Variants in PDE7A observed in about 807,000 individuals in gnomAD.
PDE7A encodes the protein phosphodiesterase 7A, also known as high affinity 3',5'-cyclic-AMP phosphodiesterase 7A.
Under a neutral mutation model 64.3 loss-of-function variants are expected in PDE7A, and 39 were observed. The observed-to-expected ratio is 0.61, with a 90% CI of 0.47 to 0.79. The LOEUF (loss-of-function observed/expected upper bound fraction) is 0.79, where lower values mean the gene tolerates loss of function less well. Among genes scored for constraint, PDE7A ranks in the 30% least tolerant of loss-of-function variants. PDE7A has a pLI of 0.00. For missense variants in PDE7A, 470 were observed against 582.8 expected, an observed-to-expected ratio of 0.81 and a Z score of 1.99; for synonymous variants, 203 against 206.8, an observed-to-expected ratio of 0.98 and a Z score of 0.16.
At chr8:65,790,954 C>T (rs1342660006) in intron 1 of PDE7A, among the ~76,000 whole-genome samples, 1 of 152,166 alleles carries the variant, frequency 6.6e-6, no homozygotes, top group Non-Finnish European at 1.5e-5. Flanking sequence ...CCCCTGGCTT[C>T]GAGGTCATTC....
In PDE7A at chr8:65,724,356, C is replaced by T; in HGVS notation, c.1066-5G>A. On this transcript the variant is annotated splice_polypyrimidine_tract_variant and splice_region_variant and intron_variant, in intron 10 of 12. Coordinates refer to ENST00000401827, the MANE Select transcript of PDE7A (RefSeq NM_001242318.3). ...ATCAGCACATTTCAAAGCCATCTAG[C>T]AAACAAAACATTAATATTGTTTTAA... The T allele has an allele frequency of 1.3e-6, 2 of 1,597,998 alleles. No individual in the cohort carries two copies. The highest frequency in any genetic ancestry group is 1.7e-6 in the Non-Finnish European group (2 of 1,166,164).
intron 1 of PDE7A, among the ~76,000 whole-genome samples, chr8:65,833,085 C>A (rs1225775397): frequency 2.0e-5 from 3 of 152,190 alleles, no homozygotes; most frequent in African/African-American, 7.2e-5. Context: ...CAGCAATCAA[C>A]AACACACAAC....
intron 1 of PDE7A, among the ~76,000 whole-genome samples, chr8:65,826,644 G>GT (rs1439295499): frequency 6.6e-6 from 1 of 152,196 alleles, no homozygotes; most frequent in Admixed American, 6.5e-5. Flanking sequence ...TGGCATGTAA[G>GT]TGCTCAGTAA....
At chr8:65,818,887 C>A (rs1266431503) in intron 1 of PDE7A, among the ~76,000 whole-genome samples, 3 of 152,094 alleles carry the variant, frequency 2.0e-5, no homozygotes, top group African/African-American at 7.2e-5. Flanking sequence ...AGAACTAAGC[C>A]CCCTTCAAAC....
At chr8:65,836,581 T>C (rs1810957517) in intron 1 of PDE7A, among the ~76,000 whole-genome samples, 1 of 152,222 alleles carries the variant, frequency 6.6e-6, no homozygotes, top group Non-Finnish European at 1.5e-5. Context: ...AAGGTATTTA[T>C]TAAATGAAGT....
intron 1 of PDE7A, among the ~76,000 whole-genome samples, chr8:65,820,952 T>C (rs543065742): frequency 1.7e-4 from 26 of 152,272 alleles, no homozygotes; most frequent in South Asian, 1.7e-3. Context: ...AGTTCCAAAA[T>C]AGATTTAAGA....
At chr8:65,743,863 C>T (rs1256720317) in intron 5 of PDE7A, among the ~76,000 whole-genome samples, 1 of 150,716 alleles carries the variant, frequency 6.6e-6, no homozygotes, top group African/African-American at 2.4e-5. Flanking sequence ...GAGACAGTCT[C>T]GCTCTATTGC....
intron 1 of PDE7A, among the ~76,000 whole-genome samples, chr8:65,804,126 A>G (rs1383046137): frequency 6.6e-6 from 1 of 152,218 alleles, no homozygotes; most frequent in African/African-American, 2.4e-5. Flanking sequence ...CAAACTGCAT[A>G]CACCAGCACT....
rs774654530 is a variant in PDE7A at position 65,769,977 on chromosome 8, T to G, written c.283+9743A>C. Among the ~76,000 whole-genome samples, 21 of 152,182 alleles carry G rather than the reference T, an allele frequency of 1.4e-4. 1 individual carries two copies. Among genetic ancestry groups the G allele is most frequent in the Non-Finnish European group, 1.9e-4 (13 of 68,042 alleles). ...CCGTGATTTTTAATTAGGTGAATAA[T>G]TTCATAATACCATACTCTTAAAAAT... On this transcript the variant is annotated intron_variant, in intron 3 of 12. Coordinates refer to ENST00000401827, the MANE Select transcript of PDE7A (RefSeq NM_001242318.3).
chr8:65,818,699 A>T (rs1350576137), intron 1 of PDE7A, among the ~76,000 whole-genome samples: 2 of 152,348 alleles, frequency 1.3e-5, no homozygotes, highest in East Asian at 3.9e-4. Context: ...CTTTGGAACC[A>T]GCCAAAAGTA....
intron 1 of PDE7A, among the ~76,000 whole-genome samples, chr8:65,815,111 GAAT>G (rs1810365692): frequency 6.6e-6 from 1 of 151,668 alleles, no homozygotes; most frequent in Admixed American, 6.6e-5. Flanking sequence ...TTGCCACAAA[GAAT>G]AATACACATT....
intron 3 of PDE7A, among the ~76,000 whole-genome samples, chr8:65,750,999 A>G (rs967014363): frequency 1.3e-5 from 2 of 152,182 alleles, no homozygotes; most frequent in Non-Finnish European, 2.9e-5. Flanking sequence ...TAAGAAATGG[A>G]CCTTCACTTA....
chr8:65,730,047 G>A (rs1443736975), intron 7 of PDE7A, among the ~76,000 whole-genome samples: 1 of 152,022 alleles, frequency 6.6e-6, no homozygotes, highest in African/African-American at 2.4e-5. Flanking sequence ...CAGGTGCACA[G>A]CAGGAGGTGA....
At chr8:65,738,264 T>C (rs921532657) in intron 6 of PDE7A, among the ~76,000 whole-genome samples, 9 of 127,948 alleles carry the variant, frequency 7.0e-5, no homozygotes, top group Admixed American at 5.0e-4. Context: ...TAAGCAAAAT[T>C]GTATATAACC....
chr8:65,806,746 T>C (rs1334902137), intron 1 of PDE7A, among the ~76,000 whole-genome samples: 1 of 152,240 alleles, frequency 6.6e-6, no homozygotes, highest in Non-Finnish European at 1.5e-5. Context: ...CAGAAATGCA[T>C]TCCTTTTCCA....
chr8:65,727,028 T>G, intron 8 of PDE7A, 62 bp from the exon 9 acceptor site: 3 of 1,025,050 alleles, frequency 2.9e-6, no homozygotes, highest in Non-Finnish European at 4.6e-6. Context: ...ATATCATTAC[T>G]AACAATACTG....
At chr8:65,789,558 G>T (rs1809645373) in intron 1 of PDE7A, among the ~76,000 whole-genome samples, 1 of 151,680 alleles carries the variant, frequency 6.6e-6, no homozygotes, top group African/African-American at 2.4e-5. Context: ...ACTCATTTTG[G>T]ACTTACTGAA....
chr8:65,814,371 C>T (rs184449171), intron 1 of PDE7A, among the ~76,000 whole-genome samples: 70 of 150,668 alleles, frequency 4.6e-4, no homozygotes, highest in African/African-American at 1.7e-3. Flanking sequence ...ATTAGCCGGG[C>T]GTAGTGGCGG....
intron 1 of PDE7A, among the ~76,000 whole-genome samples, chr8:65,825,442 TTTAG>T (rs1207586881): frequency 1.3e-5 from 2 of 152,184 alleles, no homozygotes; most frequent in African/African-American, 4.8e-5. Context: ...GCAGAGGAGC[TTTAG>T]TTAGAGAGAG....
Sources: gnomAD v4.1 joint callset for allele counts (sites outside exome capture counted in the v4.1 genomes callset) on GRCh38, gnomAD v4.1.1 for gene constraint, MANE v1.5 for transcripts, NCBI Gene and HGNC (gene_info 2026-07-23, HGNC 2026-07-21) for gene names.